Variants in BUB3 observed in about 807,000 individuals in gnomAD.
BUB3 encodes the protein mitotic checkpoint protein BUB3.
A neutral mutation model predicts 39.9 loss-of-function variants in BUB3; 22 were observed. That is an observed-to-expected ratio of 0.55 (90% CI 0.39 to 0.79). The LOEUF (loss-of-function observed/expected upper bound fraction) is 0.79, where lower values mean the gene tolerates loss of function less well. BUB3 is among the 30% of genes least tolerant of loss of function. The pLI, the probability that BUB3 is intolerant of heterozygous loss-of-function variation, is 0.00. For synonymous variants in BUB3, 168 were observed against 155.1 expected (o/e 1.08, Z -0.62); for missense variants, 303 against 415.4 (o/e 0.73, Z 2.35).
Position 123,157,871 on chromosome 10 carries a change from G to T in BUB3, c.408G>T (p.Gln136His), listed in dbSNP as rs769197778. The T allele has an allele frequency of 1.2e-6, 2 of 1,612,652 alleles. No individual in the cohort carries two copies. Among genetic ancestry groups the T allele is most frequent in the African/African-American group, 2.7e-5 (2 of 74,818 alleles). The change falls in exon 4 of 8, where the codon CAG (glutamine) becomes CAT (histidine). Residue 136 changes from glutamine to histidine, a missense_variant. Physicochemically the swap from Gln to His is conservative, Grantham distance 24. Coordinates refer to ENST00000368865, the MANE Select transcript of BUB3 (RefSeq NM_004725.4). The part of the protein sequence containing the change: ...RTPCNAGTFS[Q>H]PEKVYTLSVS... Reference sequence around the variant, plus strand: ...CTTGTAATGCTGGGACCTTCTCTCAGCCTGAAAAGGTAGGCTCTTTATATT... The same window carrying T: ...CTTGTAATGCTGGGACCTTCTCTCATCCTGAAAAGGTAGGCTCTTTATATT...
rs1173058389 is a variant in BUB3, at chr10:123,165,569, C to G, written c.*1734C>G. The G allele has an allele frequency of 1.3e-5, 2 of 152,204 alleles. No homozygotes were observed. Among genetic ancestry groups the G allele is most frequent in the Non-Finnish European group, 2.9e-5 (2 of 68,246 alleles). The allele number at this position is 152,204 out of a possible 1,614,324, so 9.4% of individuals were successfully genotyped here. On this transcript the variant is annotated 3_prime_UTR_variant, in exon 8 of 8. Coordinates refer to ENST00000368865, the MANE Select transcript of BUB3 (RefSeq NM_004725.4). ...TTGGAGTTCAGCCATTTCCCTCATGCCCCCTTGTGCCCTCTCGGTGGATCA... is the reference window on the plus strand; with the variant it reads ...TTGGAGTTCAGCCATTTCCCTCATGGCCCCTTGTGCCCTCTCGGTGGATCA...
chr10:123,160,844 C>G (rs1056883924), intron 5 of BUB3, among the ~76,000 whole-genome samples: 4 of 152,130 alleles, frequency 2.6e-5, no homozygotes, highest in Non-Finnish European at 4.4e-5. Context: ...TTTGTTGATC[C>G]TGGTCCAGGA....
In BUB3 at chr10:123,170,230, TATA is replaced by T. The variant is rs1308600560; in HGVS notation, c.*6398_*6400del. On this transcript the variant is annotated 3_prime_UTR_variant, in exon 8 of 8. Transcript: ENST00000368865. ...AAATATTTAACACTTCACTCTCAGATATAATTATTAGCTGACTTTTTAGATTCT... is the reference window on the plus strand; with the variant it reads ...AAATATTTAACACTTCACTCTCAGATATTATTAGCTGACTTTTTAGATTCT... The T allele has an allele frequency of 6.6e-6, 1 of 152,224 alleles. No homozygotes were observed. The highest frequency in any genetic ancestry group is 1.5e-5 in the Non-Finnish European group (1 of 68,036). The allele number at this position is 152,224 out of a possible 1,614,324, so 9.4% of individuals were successfully genotyped here.
chr10:123,163,030 T>G (rs967423690), intron 7 of BUB3: 49 of 562,810 alleles, frequency 8.7e-5, no homozygotes, highest in Non-Finnish European at 1.5e-4. Context: ...TGTGCCTAGT[T>G]GTTTTGTAGA....
chr10:123,163,825 C>A lies in BUB3; in HGVS notation c.977C>A (p.Pro326Gln). ...TTTTTCTTTTGAACTTGTAGGTCAC[C>A]ATGTACTTGACAAGATTTCATTTAC... ...VTDAETKPKS[P>Q]CT The change falls in exon 8 of 8, where the codon CCA (proline) becomes CAA (glutamine). Residue 326 changes from proline to glutamine, a missense_variant. Pro to Gln is a moderately conservative substitution (Grantham distance 76). Around this residue, in one of 2 missense-constraint regions of BUB3, gnomAD observed 182 missense variants for 293.1 expected, o/e 0.62. Coordinates refer to ENST00000368865, the MANE Select transcript of BUB3 (RefSeq NM_004725.4). 6.2e-7 allele frequency: 1 copy of A among 1,608,246 alleles called. No individual in the cohort carries two copies. Among genetic ancestry groups the A allele is most frequent in the South Asian group, 1.1e-5 (1 of 90,656 alleles).
In BUB3 at chr10:123,165,139, A is replaced by G. The variant is rs1280595929; in HGVS notation, c.*1304A>G. 2 of 1,480,288 alleles carry G rather than the reference A, an allele frequency of 1.4e-6. No individual in the cohort carries two copies. The highest frequency in any genetic ancestry group is 1.9e-6 in the Non-Finnish European group (2 of 1,066,596). 91.7% of individuals were successfully genotyped at this position (1,480,288 alleles called of 1,614,324 possible). Reference sequence around the variant, plus strand: ...GCTTATTCCTTAAGGGATGTGTTAGAGTTACTGTGGATTTCTCTGTTTTCT... The same window carrying G: ...GCTTATTCCTTAAGGGATGTGTTAGGGTTACTGTGGATTTCTCTGTTTTCT... On this transcript the variant is annotated 3_prime_UTR_variant, in exon 8 of 8. Coordinates refer to ENST00000368865, the MANE Select transcript of BUB3 (RefSeq NM_004725.4).
intron 2 of BUB3, 23 bp downstream of exon 2, chr10:123,155,135 C>G (rs753758813): frequency 6.2e-7 from 1 of 1,609,258 alleles, no homozygotes; most frequent in Admixed American, 1.7e-5. Context: ...CCGCCCTGCT[C>G]CTGCCCTCTT....
chr10:123,169,635 G>A lies in BUB3; in HGVS notation c.*5800G>A, dbSNP rs560480480. 2.0e-5 allele frequency: 3 copies of A among 152,288 alleles called. No homozygotes were observed. Among genetic ancestry groups the A allele is most frequent in the South Asian group, 2.1e-4 (1 of 4,824 alleles). The allele number at this position is 152,288 out of a possible 1,614,324, so 9.4% of individuals were successfully genotyped here. A position where few individuals can be genotyped will look rare whatever the true frequency, so the allele number is the denominator to read the frequency against. On this transcript the variant is annotated 3_prime_UTR_variant, in exon 8 of 8. Transcript: ENST00000368865. Reference sequence around the variant, plus strand: ...CAATGTGGGCAGAAATTCCTTGTTCGAGAGCCTTCTGGTTATACTTTAAAA... The same window carrying A: ...CAATGTGGGCAGAAATTCCTTGTTCAAGAGCCTTCTGGTTATACTTTAAAA...
chr10:123,166,460 A>G lies in BUB3; in HGVS notation c.*2625A>G, dbSNP rs1213667168. 6.6e-6 allele frequency: 1 copy of G among 152,088 alleles called. No homozygotes were observed. Among genetic ancestry groups the G allele is most frequent in the East Asian group, 1.9e-4 (1 of 5,194 alleles). The allele number at this position is 152,088 out of a possible 1,614,324, so 9.4% of individuals were successfully genotyped here. On this transcript the variant is annotated 3_prime_UTR_variant, in exon 8 of 8. Transcript: ENST00000368865. ...TGCGATGTATCTGGTGCATGTGTGC[A>G]TTTTTTTCTTTGCTTTTTAAGAAAT... is the stretch of plus-strand genomic sequence containing the variant.
At position 123,164,186 on chromosome 10, in the gene BUB3, G is replaced by A. The variant is rs1844459007; in HGVS notation, c.*351G>A. Reference sequence around the variant, plus strand: ...TAAAAATCCCTTTGCATTCTTTCTGGACCTTAAATGGTAGAGGAAAAGGCT... The same window carrying A: ...TAAAAATCCCTTTGCATTCTTTCTGAACCTTAAATGGTAGAGGAAAAGGCT... On this transcript the variant is annotated 3_prime_UTR_variant, in exon 8 of 8. Coordinates refer to ENST00000368865, the MANE Select transcript of BUB3 (RefSeq NM_004725.4). 2.0e-6 allele frequency: 2 copies of A among 1,009,936 alleles called. No homozygotes were observed. The highest frequency in any genetic ancestry group is 2.4e-6 in the Non-Finnish European group (2 of 846,976). 62.6% of individuals were successfully genotyped at this position (1,009,936 alleles called of 1,614,324 possible).
In BUB3 at chr10:123,155,859, A is replaced by AT. The variant is rs80337046; in HGVS notation, c.265+139dup. The AT allele has an allele frequency of 0.011, 8,218 of 721,054 alleles. 497 individuals are homozygous for AT. The East Asian group carries it at 0.16, about 14-fold the overall frequency. The allele number at this position is 721,054 out of a possible 1,614,324, so 44.7% of individuals were successfully genotyped here. A position where few individuals can be genotyped will look rare whatever the true frequency, so the allele number is the denominator to read the frequency against. On this transcript the variant is annotated intron_variant, in intron 3 of 7. Transcript: ENST00000368865. ...TAAGTACAGGTGGCTTGAATTTAGG[A>AT]TTTTTTTAATTTAAATGATAACCAT...
chr10:123,162,021 G>A (rs1158568823), intron 5 of BUB3, among the ~76,000 whole-genome samples: 1 of 152,194 alleles, frequency 6.6e-6, no homozygotes, highest in Non-Finnish European at 1.5e-5. Flanking sequence ...TAATGTGCAA[G>A]GCCCTGGTAC....
At position 123,165,969 on chromosome 10, in the gene BUB3, C is replaced by T. The variant is rs1300390213; in HGVS notation, c.*2134C>T. 6.6e-6 allele frequency: 1 copy of T among 152,020 alleles called. No individual in the cohort carries two copies. The highest frequency in any genetic ancestry group is 2.4e-5 in the African/African-American group (1 of 41,384). 9.4% of individuals were successfully genotyped at this position (152,020 alleles called of 1,614,324 possible). A position where few individuals can be genotyped will look rare whatever the true frequency, so the allele number is the denominator to read the frequency against. On this transcript the variant is annotated 3_prime_UTR_variant, in exon 8 of 8. Transcript: ENST00000368865. ...TTAATATAGTATTGTTATAGGTAAC[C>T]AAATTATAGTAATGTGGACTTGTTT...
In BUB3 at chr10:123,164,305, A is replaced by G. The variant is rs965025176; in HGVS notation, c.*470A>G. 2.0e-6 allele frequency: 2 copies of G among 985,980 alleles called. No homozygotes were observed. Among genetic ancestry groups the G allele is most frequent in the Non-Finnish European group, 2.4e-6 (2 of 830,532 alleles). 61.1% of individuals were successfully genotyped at this position (985,980 alleles called of 1,614,324 possible). A position where few individuals can be genotyped will look rare whatever the true frequency, so the allele number is the denominator to read the frequency against. On this transcript the variant is annotated 3_prime_UTR_variant, in exon 8 of 8. Coordinates refer to ENST00000368865, the MANE Select transcript of BUB3 (RefSeq NM_004725.4). ...GGAGGTTAATCTACAATTAAACAAT[A>G]TTTCCTCTTGGCCGTCCATTATTTT...
intron 2 of BUB3, 102 bp downstream of exon 2, chr10:123,155,214 G>A (rs1185434869): frequency 5.0e-5 from 66 of 1,308,038 alleles, no homozygotes; most frequent in Non-Finnish European, 6.4e-5. Flanking sequence ...TCTGTCGGTG[G>A]GGTTATTTGG....
chr10:123,155,575 A>G, intron 2 of BUB3, 83 bp from the exon 3 acceptor site: 1 of 1,336,642 alleles, frequency 7.5e-7, no homozygotes, highest in Non-Finnish European at 1.1e-6. Flanking sequence ...CCGAGCATAA[A>G]CTGAACACTT....
chr10:123,165,419 T>C lies in BUB3; in HGVS notation c.*1584T>C, dbSNP rs1290268393. ...AATATAATTTACTTAAAAAGGCTTG[T>C]GTAAGGCAAAACTCGTCATCACAGG... On this transcript the variant is annotated 3_prime_UTR_variant, in exon 8 of 8. Transcript: ENST00000368865. 1 of 187,104 alleles carries C rather than the reference T, an allele frequency of 5.3e-6. No homozygotes were observed. 11.6% of individuals were successfully genotyped at this position (187,104 alleles called of 1,614,324 possible).
intron 4 of BUB3, among the ~76,000 whole-genome samples, chr10:123,158,455 T>C (rs921915106): frequency 9.2e-5 from 14 of 152,244 alleles, no homozygotes; most frequent in African/African-American, 3.4e-4. Flanking sequence ...TCTAACCTTT[T>C]GATCTGTATG....
intron 4 of BUB3, among the ~76,000 whole-genome samples, chr10:123,158,478 T>C (rs925552959): frequency 6.6e-6 from 1 of 152,244 alleles, no homozygotes; most frequent in Non-Finnish European, 1.5e-5. Context: ...AAAAGTGTAA[T>C]TGAGCTTTCC....
Sources: gnomAD v4.1 joint callset for allele counts (sites outside exome capture counted in the v4.1 genomes callset) on GRCh38, gnomAD v4.1.1 for gene constraint, gnomAD v4.1.1 regional missense constraint, MANE v1.5 for transcripts, NCBI Gene and HGNC (gene_info 2026-07-23, HGNC 2026-07-21) for gene names.